The following INO80 variants were observed in gnomAD, a reference collection of about 807,000 sequenced individuals.
INO80 encodes INO80 complex ATPase subunit.
A neutral mutation model predicts 203.4 loss-of-function variants in INO80; 20 were observed. The observed-to-expected ratio is 0.10, with a 90% CI of 0.07 to 0.14. The LOEUF (loss-of-function observed/expected upper bound fraction) is 0.14. INO80 is among the 10% of genes least tolerant of loss of function. The probability of loss-of-function intolerance (pLI) is 1.00; values close to 1 mark genes in which losing one functional copy is unlikely to be tolerated. For missense variants in INO80, 1,419 were observed against 1,914.4 expected, an observed-to-expected ratio of 0.74 and a Z score of 4.83; for synonymous variants, 726 against 685.2, an observed-to-expected ratio of 1.06 and a Z score of -0.93.
Position 40,984,281 on chromosome 15 carries a change from G to A in INO80, c.3993C>T (p.Pro1331=), listed in dbSNP as rs757114952. Residue 1331 remains proline, a synonymous_variant, in exon 33 of 36, where the codon CCC becomes CCT. Coordinates refer to ENST00000648947, the MANE Select transcript of INO80 (RefSeq NM_017553.3). ...EGVNLVIPFV[P]SADNSNLSAD... is the part of the protein sequence containing the mutation. ...CAGAGAGGTTGGAGTTATCAGCCGA[G>A]GGAACAAATGGGATCACCAGGTTCA... The A allele has an allele frequency of 1.9e-6, 3 of 1,614,046 alleles. No homozygotes were observed. The highest frequency in any genetic ancestry group is 2.5e-6 in the Non-Finnish European group (3 of 1,179,930).
At chr15:40,988,854 A>G (rs2043777279) in intron 29 of INO80, among the ~76,000 whole-genome samples, 1 of 152,176 alleles carries the variant, frequency 6.6e-6, no homozygotes. Flanking sequence ...ATCTCTACTA[A>G]AAATACAAAA....
At chr15:40,980,874 G>A (rs1490199645) in intron 35 of INO80, among the ~76,000 whole-genome samples, 2 of 152,150 alleles carry the variant, frequency 1.3e-5, no homozygotes, top group Non-Finnish European at 2.9e-5. Flanking sequence ...TCTCCAGTAA[G>A]TCGGGCCAGA....
intron 27 of INO80, chr15:41,013,104 C>CAACAACA (rs369088968): frequency 0.27 from 40,709 of 150,424 alleles, 6,082 homozygotes; most frequent in African/African-American, 0.38. Flanking sequence ...CAACAACAAC[C>CAACAACA]ACCACAACAA....
At chr15:41,097,199 C>T (rs1321340941) in intron 1 of INO80, among the ~76,000 whole-genome samples, 3 of 152,150 alleles carry the variant, frequency 2.0e-5, no homozygotes, top group Non-Finnish European at 4.4e-5. Flanking sequence ...GCGCCCACCA[C>T]CACGCCCAGC....
At chr15:41,112,072 T>A (rs2045966601) in intron 1 of INO80, among the ~76,000 whole-genome samples, 1 of 151,988 alleles carries the variant, frequency 6.6e-6, no homozygotes, top group Non-Finnish European at 1.5e-5. Context: ...GTCCAAAAAT[T>A]TTATTTTCTG....
At chr15:41,001,527 CA>C (rs1340125549) in intron 28 of INO80, among the ~76,000 whole-genome samples, 1 of 152,132 alleles carries the variant, frequency 6.6e-6, no homozygotes, top group Non-Finnish European at 1.5e-5. Context: ...TCATGTTTTC[CA>C]AAGAGTCACA....
At chr15:40,997,919 T>C (rs1035264462) in intron 28 of INO80, among the ~76,000 whole-genome samples, 1 of 152,102 alleles carries the variant, frequency 6.6e-6, no homozygotes, top group South Asian at 2.1e-4. Context: ...TCTCTCACTG[T>C]CATATTTTTA....
At chr15:41,058,821 A>G in intron 15 of INO80, 40 bp from the exon 16 acceptor site, 7 of 1,580,954 alleles carry the variant, frequency 4.4e-6, no homozygotes, top group Non-Finnish European at 6.0e-6. Flanking sequence ...GAGAAACCTA[A>G]TAATTCATAA....
At chr15:41,005,060 T>C (rs989337567) in intron 28 of INO80, among the ~76,000 whole-genome samples, 1 of 151,852 alleles carries the variant, frequency 6.6e-6, no homozygotes, top group African/African-American at 2.4e-5. Context: ...CTGGATGTGG[T>C]GGCGCATGTC....
chr15:41,063,563 C>T (rs2045153171), intron 14 of INO80, among the ~76,000 whole-genome samples: 1 of 152,100 alleles, frequency 6.6e-6, no homozygotes, highest in Non-Finnish European at 1.5e-5. Flanking sequence ...CACTTGAGGT[C>T]AGGAGTTAGA....
At chr15:41,062,781 C>T (rs907625042) in intron 14 of INO80, among the ~76,000 whole-genome samples, 1 of 152,112 alleles carries the variant, frequency 6.6e-6, no homozygotes, top group South Asian at 2.1e-4. Flanking sequence ...AACAAGAAGG[C>T]CCTTGTGAGA....
intron 1 of INO80, among the ~76,000 whole-genome samples, chr15:41,101,670 C>G (rs1267862259): frequency 6.6e-6 from 1 of 151,760 alleles, no homozygotes. Context: ...CTGCCTCAGC[C>G]TCCCGAGTAG....
intron 28 of INO80, among the ~76,000 whole-genome samples, chr15:40,998,999 C>T (rs113118854): frequency 2.0e-5 from 3 of 147,466 alleles, no homozygotes; most frequent in African/African-American, 8.0e-5. Context: ...CACACACACA[C>T]ACACACACAC....
intron 19 of INO80, among the ~76,000 whole-genome samples, chr15:41,052,984 G>GA (rs1475045025): frequency 6.6e-6 from 1 of 152,108 alleles, no homozygotes; most frequent in Non-Finnish European, 1.5e-5. Flanking sequence ...AGTAAGCCAA[G>GA]ATTGTGTCAC....
At chr15:41,067,125 G>A (rs903694141) in intron 14 of INO80, among the ~76,000 whole-genome samples, 24 of 152,220 alleles carry the variant, frequency 1.6e-4, no homozygotes, top group African/African-American at 5.5e-4. Flanking sequence ...CGCCCAGGCT[G>A]GAGTGCAGTG....
chr15:41,108,050 A>C (rs2045906615), intron 1 of INO80, among the ~76,000 whole-genome samples: 1 of 151,446 alleles, frequency 6.6e-6, no homozygotes, highest in Admixed American at 6.6e-5. Flanking sequence ...TGGTGGGCCG[A>C]GATCACACCA....
chr15:41,005,760 C>G, intron 27 of INO80, 73 bp from the exon 28 acceptor site: 2 of 789,318 alleles, frequency 2.5e-6, no homozygotes, highest in South Asian at 3.1e-5. Context: ...AGGCATCTAC[C>G]CATCTTCTAC....
At chr15:41,047,549 ATGC>A in intron 22 of INO80, 48 bp from the exon 23 acceptor site, 1 of 1,310,772 alleles carries the variant, frequency 7.6e-7, no homozygotes, top group Admixed American at 1.9e-5. Context: ...CCAAGAGACG[ATGC>A]TCAGTTAAAG....
intron 31 of INO80, among the ~76,000 whole-genome samples, chr15:40,985,922 T>C (rs2043726385): frequency 1.3e-5 from 2 of 152,136 alleles, no homozygotes; most frequent in Admixed American, 1.3e-4. Flanking sequence ...AAAATTATTA[T>C]AGGCCTTTCC....
Sources: gnomAD v4.1 joint callset for allele counts (sites outside exome capture counted in the v4.1 genomes callset) on GRCh38, gnomAD v4.1.1 for gene constraint, MANE v1.5 for transcripts, NCBI Gene and HGNC (gene_info 2026-07-23, HGNC 2026-07-21) for gene names.